Variants in CHST11 observed in about 807,000 individuals in gnomAD.
CHST11 encodes carbohydrate sulfotransferase 11, also known as C4S-1.
CHST11 carries 9 observed loss-of-function variants against 30.4 expected under a neutral mutation model. That is an observed-to-expected ratio of 0.30 (90% CI 0.18 to 0.52). CHST11 has a LOEUF of 0.52. CHST11 is among the 20% of genes least tolerant of loss of function. The probability of loss-of-function intolerance (pLI) is 0.97; values close to 1 mark genes in which losing one functional copy is unlikely to be tolerated. For missense variants in CHST11, 348 were observed against 460.6 expected, an observed-to-expected ratio of 0.76 and a Z score of 2.24; for synonymous variants, 152 against 187.8, an observed-to-expected ratio of 0.81 and a Z score of 1.56.
rs539134521 is a variant in CHST11 at position 104,648,549 on chromosome 12, C to T, written c.204+46558C>T. ...AGGGGGCTGGGCATGGTGGCTCATGCCTATAATCCCAGCACTTTGGGAGGT... is the reference window on the plus strand; with the variant it reads ...AGGGGGCTGGGCATGGTGGCTCATGTCTATAATCCCAGCACTTTGGGAGGT... On this transcript the variant is annotated intron_variant, in intron 2 of 2. Coordinates refer to ENST00000303694, the MANE Select transcript of CHST11 (RefSeq NM_018413.6). Among the ~76,000 whole-genome samples, 19 of 152,236 alleles carry T rather than the reference C, an allele frequency of 1.2e-4. No homozygotes were observed. In the East Asian group the frequency reaches 3.7e-3, roughly 29 times the overall value.
Position 104,689,917 on chromosome 12 carries a change from A to AT in CHST11, c.205-67022dup, listed in dbSNP as rs1180116257. Among the ~76,000 whole-genome samples the AT allele has an allele frequency of 9.2e-4, 135 of 147,170 alleles. 3 individuals are homozygous for AT. Among genetic ancestry groups the AT allele is most frequent in the Admixed American group, 4.6e-3 (67 of 14,724 alleles). On this transcript the variant is annotated intron_variant, in intron 2 of 2. Transcript: ENST00000303694. ...TTCCTCTTTCACAAAATGTCTGTGC[A>AT]TTTTTTTTTTACTTAAAACCACTAC... is the stretch of plus-strand genomic sequence containing the variant.
intron 2 of CHST11, 115 bp downstream of exon 2, chr12:104,602,106 A>G (rs980915029): frequency 4.2e-6 from 3 of 719,940 alleles, no homozygotes; most frequent in Non-Finnish European, 7.2e-6. Flanking sequence ...ACAGCCTGGC[A>G]TTTTACCTTC....
intron 2 of CHST11, among the ~76,000 whole-genome samples, chr12:104,722,155 A>AGTGTGTGTATGTGTGT (rs141001892): frequency 8.7e-5 from 12 of 137,482 alleles, no homozygotes; most frequent in African/African-American, 3.2e-4. Context: ...CACTCAGCTA[A>AGTGTGTGTATGTGTGT]GTGTGTGTGT....
At chr12:104,670,705 A>G (rs935947492) in intron 2 of CHST11, among the ~76,000 whole-genome samples, 1 of 150,422 alleles carries the variant, frequency 6.6e-6, no homozygotes, top group African/African-American at 2.5e-5. Context: ...ATACACACAC[A>G]TCATACATAC....
chr12:104,728,432 A>G (rs1472959620), intron 2 of CHST11, among the ~76,000 whole-genome samples: 1 of 151,326 alleles, frequency 6.6e-6, no homozygotes, highest in Admixed American at 6.6e-5. Flanking sequence ...ACCATCTTCA[A>G]CTCCAAACTC....
intron 2 of CHST11, among the ~76,000 whole-genome samples, chr12:104,612,503 A>T (rs762002673): frequency 7.2e-5 from 11 of 152,168 alleles, no homozygotes; most frequent in Non-Finnish European, 1.2e-4. Flanking sequence ...ACCTCATCTT[A>T]GCTAATTACA....
At chr12:104,722,362 C>T (rs2040184655) in intron 2 of CHST11, among the ~76,000 whole-genome samples, 1 of 152,080 alleles carries the variant, frequency 6.6e-6, no homozygotes, top group South Asian at 2.1e-4. Flanking sequence ...TCATATTTCT[C>T]TTTATACCTT....
rs1350733890 is a variant in CHST11 at position 104,458,515 on chromosome 12, C to T, written c.118+986C>T. ...TTTGGGTTCTGGAGAGGGAGGGGCG[C>T]CCTCGAGCGCGGCGGCCGGGGGTGA... On this transcript the variant is annotated intron_variant, in intron 1 of 2. Transcript: ENST00000303694. The surrounding 1 kb of genome is among the most constrained non-coding windows in gnomAD (Gnocchi z 5.7). Among the ~76,000 whole-genome samples the T allele has an allele frequency of 3.3e-5, 5 of 152,276 alleles. No individual in the cohort carries two copies. The highest frequency in any genetic ancestry group is 7.4e-5 in the Non-Finnish European group (5 of 68,004).
intron 1 of CHST11, among the ~76,000 whole-genome samples, chr12:104,527,511 G>A (rs1206914493): frequency 6.6e-6 from 1 of 152,108 alleles, no homozygotes; most frequent in Non-Finnish European, 1.5e-5. Context: ...GGCCCTCTGA[G>A]ACCATCCTTC....
At chr12:104,714,040 C>G (rs1284559076) in intron 2 of CHST11, among the ~76,000 whole-genome samples, 1 of 152,166 alleles carries the variant, frequency 6.6e-6, no homozygotes, top group African/African-American at 2.4e-5. Flanking sequence ...AAGGCTACCC[C>G]CTGCCTCCCA....
chr12:104,462,933 A>C (rs768960659), intron 1 of CHST11, among the ~76,000 whole-genome samples: 13 of 152,114 alleles, frequency 8.5e-5, no homozygotes, highest in Admixed American at 4.6e-4. Context: ...CCTCATTTTC[A>C]TTGCCTTCCA....
In CHST11 at chr12:104,457,194, A is replaced by T. The variant is rs2037357858; in HGVS notation, c.-218A>T. The stretch of plus-strand genomic sequence containing the variant: ...GCAGGAGCGCGCAGCCAGCGGGTCC[A>T]CGCATCTCAGCACTTCCAGACCAAC... On this transcript the variant is annotated 5_prime_UTR_variant, in exon 1 of 3. Transcript: ENST00000303694. The T allele has an allele frequency of 2.5e-6, 1 of 397,726 alleles. No homozygotes were observed. Among genetic ancestry groups the T allele is most frequent in the Non-Finnish European group, 4.5e-6 (1 of 221,938 alleles). The allele number at this position is 397,726 out of a possible 1,614,324, so 24.6% of individuals were successfully genotyped here. A position where few individuals can be genotyped will look rare whatever the true frequency, so the allele number is the denominator to read the frequency against.
At chr12:104,559,227 G>A (rs569774223) in intron 1 of CHST11, among the ~76,000 whole-genome samples, 1 of 152,328 alleles carries the variant, frequency 6.6e-6, no homozygotes, top group South Asian at 2.1e-4. Flanking sequence ...GACAGGGATA[G>A]TATTTTGTTT....
chr12:104,730,406 C>T (rs944026598), intron 2 of CHST11, among the ~76,000 whole-genome samples: 1 of 152,216 alleles, frequency 6.6e-6, no homozygotes, highest in African/African-American at 2.4e-5. Context: ...TAAATGTTAG[C>T]CACTGATACA....
chr12:104,639,953 A>T (rs563062837), intron 2 of CHST11, among the ~76,000 whole-genome samples: 22 of 152,378 alleles, frequency 1.4e-4, no homozygotes, highest in African/African-American at 5.0e-4. Flanking sequence ...AGATCTACAG[A>T]TGGCAAGTAA....
intron 1 of CHST11, among the ~76,000 whole-genome samples, chr12:104,459,852 G>C (rs1184656434): frequency 6.6e-6 from 1 of 152,080 alleles, no homozygotes; most frequent in East Asian, 1.9e-4. Context: ...TTTCCCTCCA[G>C]TCCATAGCAA....
intron 2 of CHST11, among the ~76,000 whole-genome samples, chr12:104,718,409 G>C (rs1020398990): frequency 3.3e-5 from 5 of 152,158 alleles, no homozygotes; most frequent in African/African-American, 2.4e-5. Context: ...ACGGAATTTC[G>C]TTTGAATCCC....
rs989768743 is a variant in CHST11, at chr12:104,508,909, A to C, written c.118+51380A>C. ...CTGCTGTTTCTACCACTACCACAAC[A>C]ACCACCACTGCCGCGCCACCACCAC... On this transcript the variant is annotated intron_variant, in intron 1 of 2. Transcript: ENST00000303694. Among the ~76,000 whole-genome samples the C allele has an allele frequency of 5.3e-5, 8 of 152,044 alleles. No individual in the cohort carries two copies. In the East Asian group the frequency reaches 5.8e-4, roughly 11 times the overall value.
chr12:104,711,924 A>G (rs1035374829), intron 2 of CHST11, among the ~76,000 whole-genome samples: 2 of 152,102 alleles, frequency 1.3e-5, no homozygotes, highest in African/African-American at 4.8e-5. Context: ...GCTGCCTCTG[A>G]CCACAGTTTA....
Sources: allele counts gnomAD v4.1 joint callset (sites outside exome capture counted in the v4.1 genomes callset), GRCh38; gene constraint gnomAD v4.1.1; non-coding constraint Gnocchi (gnomAD v3.1); transcripts MANE v1.5; gene names NCBI Gene and HGNC (gene_info 2026-07-23, HGNC 2026-07-21).